Variants in BBX observed in about 807,000 individuals in gnomAD.
The protein encoded by BBX is HMG box transcription factor BBX.
In BBX, 30 loss-of-function variants were observed where a neutral mutation model predicts 100.2. The ratio of observed to expected loss-of-function variants is 0.30; its 90% CI spans 0.22 to 0.41. The LOEUF (loss-of-function observed/expected upper bound fraction) is 0.41. Ranked by LOEUF, BBX falls within the 10% of genes least tolerant of loss-of-function variation. BBX has a pLI of 1.00. For missense variants in BBX, 1,023 were observed against 1,129.8 expected (o/e 0.91, Z 1.35); for synonymous variants, 376 against 388.1 (o/e 0.97, Z 0.37).
chr3:107,625,950 T>C (rs994095190), intron 2 of BBX, among the ~76,000 whole-genome samples: 15 of 151,918 alleles, frequency 9.9e-5, no homozygotes, highest in Non-Finnish European at 8.8e-5. Context: ...TTCATACATA[T>C]AATATATATA....
intron 3 of BBX, among the ~76,000 whole-genome samples, chr3:107,699,110 C>G (rs1576398352): frequency 1.3e-5 from 2 of 151,896 alleles, no homozygotes; most frequent in East Asian, 3.9e-4. Flanking sequence ...CCCCTGTTCT[C>G]TGTCACAGTT....
intron 3 of BBX, among the ~76,000 whole-genome samples, chr3:107,652,584 T>G (rs1161669118): frequency 1.3e-5 from 2 of 152,234 alleles, no homozygotes; most frequent in Non-Finnish European, 2.9e-5. Flanking sequence ...AATCTAATGA[T>G]TGTGAAATTC....
At chr3:107,619,199 CCTA>C (rs1001219910) in intron 2 of BBX, among the ~76,000 whole-genome samples, 4 of 152,032 alleles carry the variant, frequency 2.6e-5, no homozygotes, top group Non-Finnish European at 5.9e-5. Context: ...ATATAGCACT[CCTA>C]CTTTATTTTG....
chr3:107,542,810 GT>G (rs1246089238), intron 2 of BBX, among the ~76,000 whole-genome samples: 5 of 152,018 alleles, frequency 3.3e-5, no homozygotes, highest in Non-Finnish European at 1.5e-5. Flanking sequence ...CTCCCCTATC[GT>G]GCCTCCTAGG....
intron 16 of BBX, 86 bp downstream of exon 16, chr3:107,798,806 A>G (rs577493071): frequency 3.2e-6 from 4 of 1,258,342 alleles, no homozygotes; most frequent in East Asian, 4.8e-5. Flanking sequence ...TTGAGCCACA[A>G]TGAAATACAC....
intron 10 of BBX, among the ~76,000 whole-genome samples, chr3:107,761,376 A>T (rs983372173): frequency 6.6e-6 from 1 of 152,232 alleles, no homozygotes; most frequent in Non-Finnish European, 1.5e-5. Context: ...TTACACAGTG[A>T]TAAAAGCAGC....
chr3:107,579,102 T>C (rs1248684019), intron 2 of BBX, among the ~76,000 whole-genome samples: 1 of 152,330 alleles, frequency 6.6e-6, no homozygotes, highest in Non-Finnish European at 1.5e-5. Context: ...CTCAAACGCC[T>C]GCATTATTTT....
chr3:107,664,715 C>A (rs1323437911), intron 3 of BBX, among the ~76,000 whole-genome samples: 1 of 152,212 alleles, frequency 6.6e-6, no homozygotes, highest in Admixed American at 6.5e-5. Context: ...TAAATGAAAA[C>A]TGTCAGCTGT....
chr3:107,782,229 T>C (rs2067968709), intron 13 of BBX, among the ~76,000 whole-genome samples: 1 of 152,168 alleles, frequency 6.6e-6, no homozygotes, highest in African/African-American at 2.4e-5. Context: ...TGATTGTGAC[T>C]GATTGACTCA....
intron 2 of BBX, among the ~76,000 whole-genome samples, chr3:107,617,630 A>G (rs1182351734): frequency 6.6e-6 from 1 of 151,888 alleles, no homozygotes; most frequent in Non-Finnish European, 1.5e-5. Context: ...TTTTTATTTC[A>G]GCTATTGTAA....
intron 15 of BBX, among the ~76,000 whole-genome samples, chr3:107,797,426 GT>G (rs1469466721): frequency 7.1e-6 from 1 of 141,056 alleles, no homozygotes; most frequent in Non-Finnish European, 1.5e-5. Flanking sequence ...CTTAGGGCTT[GT>G]TATGTCTGAC....
At chr3:107,623,434 T>G (rs2055933795) in intron 2 of BBX, among the ~76,000 whole-genome samples, 1 of 152,220 alleles carries the variant, frequency 6.6e-6, no homozygotes, top group African/African-American at 2.4e-5. Flanking sequence ...TTTGTTGTTC[T>G]TCCTCTATTC....
chr3:107,693,097 A>G (rs2060301521), intron 3 of BBX, among the ~76,000 whole-genome samples: 1 of 147,116 alleles, frequency 6.8e-6, no homozygotes, highest in Admixed American at 6.8e-5. Flanking sequence ...TCTGGATATT[A>G]GCCCTTTGTC....
intron 2 of BBX, among the ~76,000 whole-genome samples, chr3:107,569,397 A>T (rs889894396): frequency 2.0e-5 from 3 of 151,096 alleles, no homozygotes; most frequent in Non-Finnish European, 2.9e-5. Flanking sequence ...TTATTTTTTT[A>T]ATTTTTTTTT....
chr3:107,725,322 GT>G (rs2062841059), intron 5 of BBX, among the ~76,000 whole-genome samples: 1 of 152,068 alleles, frequency 6.6e-6, no homozygotes, highest in South Asian at 2.1e-4. Flanking sequence ...AGACAATGGG[GT>G]TTTCTAGATA....
At chr3:107,699,487 G>C (rs748660557) in intron 3 of BBX, among the ~76,000 whole-genome samples, 2 of 151,950 alleles carry the variant, frequency 1.3e-5, no homozygotes, top group Admixed American at 6.5e-5. Context: ...CTATTAAAGA[G>C]ACTCCCTTTA....
At chr3:107,572,410 T>G (rs1386853264) in intron 2 of BBX, among the ~76,000 whole-genome samples, 1 of 152,222 alleles carries the variant, frequency 6.6e-6, no homozygotes, top group African/African-American at 2.4e-5. Context: ...GGATTGTTAT[T>G]CTTCAGAGAT....
intron 4 of BBX, among the ~76,000 whole-genome samples, chr3:107,714,355 A>G (rs150759086): frequency 6.6e-6 from 1 of 152,080 alleles, no homozygotes; most frequent in East Asian, 1.9e-4. Flanking sequence ...GTGCTTTGTT[A>G]TCTTGCTGGT....
chr3:107,571,811 A>G (rs1367339965), intron 2 of BBX, among the ~76,000 whole-genome samples: 7 of 152,170 alleles, frequency 4.6e-5, no homozygotes, highest in Non-Finnish European at 8.8e-5. Context: ...CCGAAAAGAG[A>G]GTCAGCCTCC....
Sources: gnomAD v4.1 joint callset for allele counts (sites outside exome capture counted in the v4.1 genomes callset) on GRCh38, gnomAD v4.1.1 for gene constraint, MANE v1.5 for transcripts, NCBI Gene and HGNC (gene_info 2026-07-23, HGNC 2026-07-21) for gene names.